THSD7B: variants seen among roughly 807,000 people sequenced by gnomAD.
The protein encoded by THSD7B is thrombospondin type 1 domain containing 7B.
THSD7B carries 138 observed loss-of-function variants against 213.6 expected under a neutral mutation model. The observed-to-expected ratio is 0.65, with a 90% CI of 0.56 to 0.74. The LOEUF (loss-of-function observed/expected upper bound fraction) is 0.74, where lower values mean the gene tolerates loss of function less well. THSD7B is among the 30% of genes least tolerant of loss of function. The pLI is 0.00. For synonymous variants in THSD7B, 742 were observed against 687.0 expected, an observed-to-expected ratio of 1.08 and a Z score of -1.25; for missense variants, 1,931 against 1,991.5, an observed-to-expected ratio of 0.97 and a Z score of 0.58.
intron 12 of THSD7B, among the ~76,000 whole-genome samples, chr2:137,298,808 C>T (rs1469841481): frequency 6.6e-6 from 1 of 152,172 alleles, no homozygotes; most frequent in Non-Finnish European, 1.5e-5. Context: ...AAACCTCTGC[C>T]TAGATTTCAG....
In THSD7B at chr2:137,444,954, G is replaced by A. The variant is rs576426945; in HGVS notation, c.2960-5891G>A. On this transcript the variant is annotated intron_variant, in intron 14 of 27. Coordinates refer to ENST00000409968, the MANE Select transcript of THSD7B (RefSeq NM_001316349.2). Reference sequence around the variant, plus strand: ...CAGTTGAAAAATAGGCAAAACATCCGAATAGACATTTTTTAAAAGAAGACA... The same window carrying A: ...CAGTTGAAAAATAGGCAAAACATCCAAATAGACATTTTTTAAAAGAAGACA... Among the ~76,000 whole-genome samples, 17 of 152,020 alleles carry A rather than the reference G, an allele frequency of 1.1e-4. No homozygotes were observed. The East Asian group carries it at 1.4e-3, about 12-fold the overall frequency.
intron 1 of THSD7B, among the ~76,000 whole-genome samples, chr2:136,794,394 T>C (rs1489345595): frequency 1.3e-5 from 2 of 151,882 alleles, no homozygotes; most frequent in Non-Finnish European, 2.9e-5. Flanking sequence ...AGTTTTAATA[T>C]ATTATATTTT....
intron 17 of THSD7B, among the ~76,000 whole-genome samples, chr2:137,606,319 G>A (rs1233445906): frequency 1.3e-5 from 2 of 152,152 alleles, no homozygotes; most frequent in South Asian, 2.1e-4. Context: ...GTCCCATGTG[G>A]GGGCCTCTAT....
intron 1 of THSD7B, among the ~76,000 whole-genome samples, chr2:136,864,754 A>G (rs899141086): frequency 1.3e-5 from 2 of 152,070 alleles, no homozygotes; most frequent in South Asian, 2.1e-4. Flanking sequence ...GGGTTTCCCC[A>G]TGTTAGCCAG....
At chr2:137,336,502 AATAACCTTCTATTC>A (rs1344718526) in intron 12 of THSD7B, among the ~76,000 whole-genome samples, 4 of 152,180 alleles carry the variant, frequency 2.6e-5, no homozygotes, top group East Asian at 1.9e-4. Flanking sequence ...AAAGAACTTA[AATAACCTTCTATTC>A]CATCCTCCAC....
intron 5 of THSD7B, among the ~76,000 whole-genome samples, chr2:137,137,977 C>T (rs1355933522): frequency 6.6e-6 from 1 of 152,220 alleles, no homozygotes; most frequent in South Asian, 2.1e-4. Flanking sequence ...CAGTTCACTG[C>T]AGCCTCGACT....
At chr2:136,847,082 T>G (rs13007264) in intron 1 of THSD7B, among the ~76,000 whole-genome samples, 21,684 of 152,190 alleles carry the variant, frequency 0.14, 2,221 homozygotes, top group Non-Finnish European at 0.22. Flanking sequence ...TGAAGATGCC[T>G]TGTGAACACA....
chr2:137,190,391 T>TG (rs1200926406), intron 7 of THSD7B, among the ~76,000 whole-genome samples: 6 of 152,182 alleles, frequency 3.9e-5, no homozygotes, highest in Non-Finnish European at 7.3e-5. Flanking sequence ...TGCCTGACTT[T>TG]GGGCAGCTTA....
At chr2:137,659,049 A>G (rs62168469) in intron 24 of THSD7B, among the ~76,000 whole-genome samples, 13,257 of 152,274 alleles carry the variant, frequency 0.087, 655 homozygotes, top group Middle Eastern at 0.16. Flanking sequence ...AAAAATATGT[A>G]CGGAGCAGGA....
At position 137,131,666 on chromosome 2, in the gene THSD7B, A is replaced by G. The variant is rs1415505742; in HGVS notation, c.1369+16373A>G. ...TTTCCCCATTGCTTGTTTTTGTCAG[A>G]TTTGTCAAATATCAGATAGTTGTAG... On this transcript the variant is annotated intron_variant, in intron 5 of 27. Coordinates refer to ENST00000409968, the MANE Select transcript of THSD7B (RefSeq NM_001316349.2). 4.6e-5 allele frequency among the ~76,000 whole-genome samples: 7 copies of G among 152,194 alleles called. No homozygotes were observed. In the East Asian group the frequency reaches 5.8e-4, roughly 13 times the overall value.
chr2:137,371,186 T>A (rs936185357), intron 12 of THSD7B, among the ~76,000 whole-genome samples: 1 of 152,150 alleles, frequency 6.6e-6, no homozygotes, highest in African/African-American at 2.4e-5. Context: ...CCCTTAAACA[T>A]TATTCTGTCT....
At chr2:137,416,539 T>G (rs4954507) in intron 14 of THSD7B, among the ~76,000 whole-genome samples, 85,785 of 152,156 alleles carry the variant, frequency 0.56, 27,417 homozygotes, top group East Asian at 0.77. Flanking sequence ...AATTCATGAT[T>G]GTATCATGTT....
At position 137,285,607 on chromosome 2, in the gene THSD7B, G is replaced by A. The variant is rs150147863; in HGVS notation, c.2500+9581G>A. On this transcript the variant is annotated intron_variant, in intron 12 of 27. Coordinates refer to ENST00000409968, the MANE Select transcript of THSD7B (RefSeq NM_001316349.2). ...TTTTTTTTTTTTTTTTAGAAAAGAT[G>A]GAATTAGAAATCGGAACAAGTTAAA... is the stretch of plus-strand genomic sequence containing the variant. Among the ~76,000 whole-genome samples the A allele has an allele frequency of 4.9e-3, 738 of 149,118 alleles. 3 individuals carry two copies. Among genetic ancestry groups the A allele is most frequent in the African/African-American group, 0.017 (701 of 40,632 alleles).
chr2:137,200,239 C>T (rs778131814), intron 7 of THSD7B, among the ~76,000 whole-genome samples: 1 of 152,028 alleles, frequency 6.6e-6, no homozygotes, highest in African/African-American at 2.4e-5. Context: ...TTCCTCATTC[C>T]CACCTCAATT....
At chr2:136,918,934 G>C (rs1684391268) in intron 2 of THSD7B, among the ~76,000 whole-genome samples, 1 of 152,156 alleles carries the variant, frequency 6.6e-6, no homozygotes, top group Admixed American at 6.5e-5. Context: ...GAAGTCCTGG[G>C]CATGCGTGAG....
intron 12 of THSD7B, among the ~76,000 whole-genome samples, chr2:137,333,547 C>G (rs1684564472): frequency 6.6e-6 from 1 of 152,156 alleles, no homozygotes; most frequent in African/African-American, 2.4e-5. Context: ...AACCTCTGGC[C>G]CTTGGCACAT....
chr2:137,408,316 C>A (rs567956851), intron 13 of THSD7B, among the ~76,000 whole-genome samples: 30 of 151,356 alleles, frequency 2.0e-4, no homozygotes, highest in Middle Eastern at 3.4e-3. Flanking sequence ...CTTTTTTCTC[C>A]TTCCCCCTTC....
intron 2 of THSD7B, among the ~76,000 whole-genome samples, chr2:136,942,790 C>T (rs911282888): frequency 4.6e-5 from 7 of 152,194 alleles, no homozygotes; most frequent in African/African-American, 1.7e-4. Context: ...ATCATGTCAT[C>T]TGCAAACAGG....
At chr2:137,490,429 G>A (rs1688579225) in intron 15 of THSD7B, among the ~76,000 whole-genome samples, 1 of 152,156 alleles carries the variant, frequency 6.6e-6, no homozygotes, top group African/African-American at 2.4e-5. Flanking sequence ...AGCTTTAAAA[G>A]TTACTTTTTT....
Sources: allele counts gnomAD v4.1 joint callset (sites outside exome capture counted in the v4.1 genomes callset), GRCh38; gene constraint gnomAD v4.1.1; transcripts MANE v1.5; gene names NCBI Gene and HGNC (gene_info 2026-07-23, HGNC 2026-07-21).